CNPPD1: variants seen among roughly 807,000 people sequenced by gnomAD.
The protein encoded by CNPPD1 is protein CNPPD1.
In CNPPD1, 40 loss-of-function variants were observed where a neutral mutation model predicts 43.7. The ratio of observed to expected loss-of-function variants is 0.92; its 90% CI spans 0.71 to 1.19. The LOEUF is 1.19. Among genes scored for constraint, CNPPD1 ranks in the 50% most tolerant of loss-of-function variants. CNPPD1 has a pLI of 0.00. For synonymous variants in CNPPD1, 208 were observed against 214.3 expected (o/e 0.97, Z 0.26); for missense variants, 511 against 518.5 (o/e 0.99, Z 0.14).
At chr2:219,174,086 A>C in intron 6 of CNPPD1, 60 bp downstream of exon 6, 1 of 1,473,768 alleles carries the variant, frequency 6.8e-7, no homozygotes, top group Non-Finnish European at 9.5e-7. Context: ...TCTAGCTCCT[A>C]TGGCTGAGGA....
Position 219,175,611 on chromosome 2 carries a change from TTTC to T in CNPPD1, c.237_239del (p.Lys80del), listed in dbSNP as rs1950147093. 6.2e-7 allele frequency: 1 copy of T among 1,613,844 alleles called. No individual in the cohort carries two copies. Among genetic ancestry groups the T allele is most frequent in the Non-Finnish European group, 8.5e-7 (1 of 1,179,920 alleles). On this transcript the variant is annotated inframe_deletion, in exon 3 of 8. Coordinates refer to ENST00000360507, the MANE Select transcript of CNPPD1 (RefSeq NM_015680.6). ...CTCACCGGGACACATGAGCTACATA[TTTC>T]TTCTGGAGTCGGCGAATAGGGCTGG...
Position 219,174,145 on chromosome 2 carries a change from C to G in CNPPD1, c.572+1G>C. ...CCTTCTTCCCAACTCCTAGAACCTACCAGCTCTCCAACCAGCTCAGCACCT... is the reference window on the plus strand; with the variant it reads ...CCTTCTTCCCAACTCCTAGAACCTAGCAGCTCTCCAACCAGCTCAGCACCT... On this transcript the variant is annotated splice_donor_variant, in intron 6 of 7. Transcript: ENST00000360507. LOFTEE classifies it high-confidence loss of function. The G allele has an allele frequency of 6.2e-7, 1 of 1,614,138 alleles. No individual in the cohort carries two copies. The highest frequency in any genetic ancestry group is 8.5e-7 in the Non-Finnish European group (1 of 1,180,004).
Position 219,176,825 on chromosome 2 carries a change from C to A in CNPPD1, c.4G>T (p.Asp2Tyr). 2 of 1,575,246 alleles carry A rather than the reference C, an allele frequency of 1.3e-6. No individual in the cohort carries two copies. The highest frequency in any genetic ancestry group is 1.7e-6 in the Non-Finnish European group (2 of 1,161,154). The change falls in exon 1 of 8, where the codon GAC (aspartate) becomes TAC (tyrosine). Residue 2 changes from aspartate (D) to tyrosine (Y), a missense_variant. By Grantham distance (160) the Asp-to-Tyr change is radical. Coordinates refer to ENST00000360507, the MANE Select transcript of CNPPD1 (RefSeq NM_015680.6). M[D>Y]LTGLLLDEEG... ...TCGTCCAGCAGGAGCCCGGTCAGGT[C>A]CATCGCGCCGCCAGTCGCCGCCCTG...
At chr2:219,176,739 G>C in intron 1 of CNPPD1, 21 bp downstream of exon 1, 4 of 1,549,532 alleles carry the variant, frequency 2.6e-6, no homozygotes, top group Non-Finnish European at 3.5e-6. Context: ...AGGCCGGGGA[G>C]GGGGCGGGAC....
At chr2:219,175,522 GA>G (rs1288060575) in intron 3 of CNPPD1, 68 bp downstream of exon 3, 1 of 1,225,396 alleles carries the variant, frequency 8.2e-7, no homozygotes, top group African/African-American at 1.5e-5. Flanking sequence ...AGAAAGAAAA[GA>G]AAGAAAAGAC....
chr2:219,175,333 C>T (rs537925672), intron 3 of CNPPD1, among the ~76,000 whole-genome samples: 4 of 152,120 alleles, frequency 2.6e-5, no homozygotes, highest in African/African-American at 9.6e-5. Flanking sequence ...CCCGTCTTTA[C>T]TAAAAATACA....
intron 2 of CNPPD1, among the ~76,000 whole-genome samples, chr2:219,175,966 T>C (rs573930650): frequency 6.6e-6 from 1 of 152,356 alleles, no homozygotes; most frequent in South Asian, 2.1e-4. Flanking sequence ...TTGGGGAACA[T>C]ATGATGGATA....
In CNPPD1 at chr2:219,172,904, C is replaced by T; in HGVS notation, c.915G>A (p.Leu305=). 6.2e-7 allele frequency: 1 copy of T among 1,610,388 alleles called. No homozygotes were observed. The highest frequency in any genetic ancestry group is 1.7e-4 in the Middle Eastern group (1 of 6,018). Reference sequence around the variant, plus strand: ...CCAGAAGACTGCCCCAGAGTGACCGCAGCCCCATGCTGCCTTCCAGGCAGC... The same window carrying T: ...CCAGAAGACTGCCCCAGAGTGACCGTAGCCCCATGCTGCCTTCCAGGCAGC... The part of the protein sequence containing the change: ...VSSCLEGSMG[L]RSLWGSLLAS... Residue 305 remains leucine, a synonymous_variant, in exon 8 of 8, where the codon CTG becomes CTA. Coordinates refer to ENST00000360507, the MANE Select transcript of CNPPD1 (RefSeq NM_015680.6).
In CNPPD1 at chr2:219,172,601, G is replaced by C. The variant is rs767238818; in HGVS notation, c.1218C>G (p.Phe406Leu). 4 of 1,614,120 alleles carry C rather than the reference G, an allele frequency of 2.5e-6. No individual in the cohort carries two copies. Among genetic ancestry groups the C allele is most frequent in the Non-Finnish European group, 2.5e-6 (3 of 1,180,030 alleles). ...SVMELARLKS[F>L]VFPG Reference sequence around the variant, plus strand: ...ACAGCCCTACCTAGCCTGGGAAAACGAAAGACTTGAGGCGAGCCAGCTCCA... The same window carrying C: ...ACAGCCCTACCTAGCCTGGGAAAACCAAAGACTTGAGGCGAGCCAGCTCCA... The change falls in exon 8 of 8, where the codon TTC becomes TTG. Residue 406 changes from phenylalanine to leucine, a missense_variant. Phe to Leu is a conservative substitution (Grantham distance 22). Coordinates refer to ENST00000360507, the MANE Select transcript of CNPPD1 (RefSeq NM_015680.6).
rs754762929 is a variant in CNPPD1 at position 219,176,279 on chromosome 2, T to C, written c.122A>G (p.Tyr41Cys). 6.2e-7 allele frequency: 1 copy of C among 1,614,112 alleles called. No homozygotes were observed. Among genetic ancestry groups the C allele is most frequent in the East Asian group, 2.2e-5 (1 of 44,866 alleles). ...LSARIRRRLYYGWDWEADCSL... is the reference protein window; with the variant it reads ...LSARIRRRLYCGWDWEADCSL... ...ACAGTCGGCTTCCCAGTCCCAGCCA[T>C]AGTAGAGCCTCCTTCGGATCCGGGC... The change falls in exon 2 of 8, where the codon TAT becomes TGT. Residue 41 changes from tyrosine (Y) to cysteine (C), a missense_variant. Physicochemically the swap from Tyr to Cys is radical, Grantham distance 194. Transcript: ENST00000360507.
chr2:219,175,027 C>T lies in CNPPD1; in HGVS notation c.342G>A (p.Leu114=), dbSNP rs769460034. 2.5e-6 allele frequency: 4 copies of T among 1,613,996 alleles called. No homozygotes were observed. The highest frequency in any genetic ancestry group is 3.4e-6 in the Non-Finnish European group (4 of 1,180,010). ...ERLRHRNPDY[L]QHVSSSDLFL... is the part of the protein sequence containing the mutation. ...ACAAGTCAGAGGATGACACATGCTG[C>T]AAGTAGTCTGGGTTTCGGTGCCGGA... Residue 114 remains leucine (L), a synonymous_variant, in exon 4 of 8, where the codon TTG becomes TTA. Coordinates refer to ENST00000360507, the MANE Select transcript of CNPPD1 (RefSeq NM_015680.6).
rs1204243746 is a variant in CNPPD1, at chr2:219,172,887, C to T, written c.932G>A (p.Ser311Asn). The change falls in exon 8 of 8, where the codon AGT (serine) becomes AAT (asparagine). Residue 311 changes from serine to asparagine, a missense_variant. By Grantham distance (46) the Ser-to-Asn change is conservative. Coordinates refer to ENST00000360507, the MANE Select transcript of CNPPD1 (RefSeq NM_015680.6). ...GSMGLRSLWGSLLASLTPPPL... is the reference protein window; with the variant it reads ...GSMGLRSLWGNLLASLTPPPL... ...TGGAGGAGTCAGTGAGGCCAGAAGA[C>T]TGCCCCAGAGTGACCGCAGCCCCAT... 6.2e-7 allele frequency: 1 copy of T among 1,603,174 alleles called. No homozygotes were observed. Among genetic ancestry groups the T allele is most frequent in the Admixed American group, 1.7e-5 (1 of 59,038 alleles).
chr2:219,174,340 G>T, intron 5 of CNPPD1, 133 bp from the exon 6 acceptor site: 1 of 871,074 alleles, frequency 1.1e-6, no homozygotes, highest in Non-Finnish European at 1.9e-6. Flanking sequence ...GCCAGATACT[G>T]TCTCAAAAGT....
Position 219,176,280 on chromosome 2 carries a change from A to G in CNPPD1, c.121T>C (p.Tyr41His), listed in dbSNP as rs778542085. 6.2e-7 allele frequency: 1 copy of G among 1,614,178 alleles called. No individual in the cohort carries two copies. Among genetic ancestry groups the G allele is most frequent in the East Asian group, 2.2e-5 (1 of 44,880 alleles). ...CAGTCGGCTTCCCAGTCCCAGCCAT[A>G]GTAGAGCCTCCTTCGGATCCGGGCA... is the stretch of plus-strand genomic sequence containing the variant. ...LSARIRRRLY[Y>H]GWDWEADCSL... The change falls in exon 2 of 8, where the codon TAT becomes CAT. Residue 41 changes from tyrosine (Y) to histidine (H), a missense_variant. By Grantham distance (83) the Tyr-to-His change is moderately conservative. Coordinates refer to ENST00000360507, the MANE Select transcript of CNPPD1 (RefSeq NM_015680.6).
chr2:219,175,073 G>C lies in CNPPD1; in HGVS notation c.296C>G (p.Ala99Gly), dbSNP rs1294253906. Residue 99 changes from alanine to glycine, a missense_variant, in exon 4 of 8, where the codon GCT becomes GGT. Ala to Gly is a moderately conservative substitution (Grantham distance 60). Coordinates refer to ENST00000360507, the MANE Select transcript of CNPPD1 (RefSeq NM_015680.6). ...CCGGAGCCGTTCAATGTACACCAGA[G>C]CCAGCATCATAGCACATGGGGAGAT... ...ACISPCAMML[A>G]LVYIERLRHR... 1 of 1,611,984 alleles carries C rather than the reference G, an allele frequency of 6.2e-7. No homozygotes were observed. Among genetic ancestry groups the C allele is most frequent in the Admixed American group, 1.7e-5 (1 of 59,870 alleles).
At chr2:219,174,526 C>CA (rs1373009068) in intron 5 of CNPPD1, among the ~76,000 whole-genome samples, 1 of 152,134 alleles carries the variant, frequency 6.6e-6, no homozygotes, top group East Asian at 1.9e-4. Flanking sequence ...AACTCTGACT[C>CA]AGAGTGTACC....
In CNPPD1 at chr2:219,176,858, G is replaced by C. The variant is rs1950176199; in HGVS notation, c.-30C>G. On this transcript the variant is annotated 5_prime_UTR_variant, in exon 1 of 8. Coordinates refer to ENST00000360507, the MANE Select transcript of CNPPD1 (RefSeq NM_015680.6). ...CCGCCAGTCGCCGCCCTGCGAAGGT[G>C]AACGGAAGGAAACGAGTTGTAGGGG... is the stretch of plus-strand genomic sequence containing the variant. 6.5e-7 allele frequency: 1 copy of C among 1,547,326 alleles called. No homozygotes were observed. Among genetic ancestry groups the C allele is most frequent in the Non-Finnish European group, 8.7e-7 (1 of 1,143,308 alleles).
At chr2:219,178,105 C>G (rs370512033), upstream of CNPPD1, 15 of 246,732 alleles carry the variant, frequency 6.1e-5, no homozygotes, top group East Asian at 5.2e-4. Context: ...GGTACTTCGT[C>G]AACCAGAAAA....
At position 219,176,251 on chromosome 2, in the gene CNPPD1, G is replaced by C. The variant is rs1416457503; in HGVS notation, c.150C>G (p.Ser50Arg). 13 of 1,613,882 alleles carry C rather than the reference G, an allele frequency of 8.1e-6. No homozygotes were observed. Among genetic ancestry groups the C allele is most frequent in the Non-Finnish European group, 1.0e-5 (12 of 1,179,872 alleles). ...CCACCGGGCTGGAGAGCTCCTCCAGGCTACAGTCGGCTTCCCAGTCCCAGC... is the reference window on the plus strand; with the variant it reads ...CCACCGGGCTGGAGAGCTCCTCCAGCCTACAGTCGGCTTCCCAGTCCCAGC... ...YYGWDWEADC[S>R]LEELSSPVAD... The change falls in exon 2 of 8, where the codon AGC becomes AGG. Residue 50 changes from serine (S) to arginine (R), a missense_variant. By Grantham distance (110) the Ser-to-Arg change is moderately radical. Transcript: ENST00000360507.
Sources: allele counts gnomAD v4.1 joint callset (sites outside exome capture counted in the v4.1 genomes callset), GRCh38; gene constraint gnomAD v4.1.1; transcripts MANE v1.5; gene names NCBI Gene and HGNC (gene_info 2026-07-23, HGNC 2026-07-21).